The following NCKAP5 variants were observed in gnomAD, a reference collection of about 807,000 sequenced individuals.
NCKAP5 encodes the protein nck-associated protein 5.
NCKAP5 carries 92 observed loss-of-function variants against 167.0 expected under a neutral mutation model. The observed-to-expected ratio is 0.55, with a 90% CI of 0.47 to 0.66. The LOEUF (loss-of-function observed/expected upper bound fraction) is 0.66, where lower values mean the gene tolerates loss of function less well. NCKAP5 is among the 30% of genes least tolerant of loss of function. The pLI, the probability that NCKAP5 is intolerant of heterozygous loss-of-function variation, is 0.00. For missense variants in NCKAP5, 2,378 were observed against 2,315.0 expected (o/e 1.03, Z -0.56); for synonymous variants, 891 against 877.4 (o/e 1.02, Z -0.27).
At chr2:133,270,962 C>T (rs952581380) in intron 4 of NCKAP5, among the ~76,000 whole-genome samples, 1 of 149,414 alleles carries the variant, frequency 6.7e-6, no homozygotes, top group Non-Finnish European at 1.5e-5. Context: ...CTCTGTCGCC[C>T]AGGCTGGAGT....
At chr2:133,204,681 T>C (rs1442805237) in intron 5 of NCKAP5, among the ~76,000 whole-genome samples, 1 of 152,178 alleles carries the variant, frequency 6.6e-6, no homozygotes. Context: ...ACAGGCTGTG[T>C]TTTGGCTTCA....
chr2:133,297,611 CT>C (rs1398565538), intron 4 of NCKAP5, among the ~76,000 whole-genome samples: 1 of 152,148 alleles, frequency 6.6e-6, no homozygotes, highest in Non-Finnish European at 1.5e-5. Flanking sequence ...GGAAAGGAAA[CT>C]TTTTAATCTT....
At chr2:133,414,446 A>G (rs1038013646) in intron 3 of NCKAP5, among the ~76,000 whole-genome samples, 1 of 152,180 alleles carries the variant, frequency 6.6e-6, no homozygotes, top group East Asian at 1.9e-4. Context: ...TGTTCCCATT[A>G]TCACTAAGCA....
chr2:132,997,615 T>C (rs2077642445), intron 6 of NCKAP5, among the ~76,000 whole-genome samples: 1 of 152,120 alleles, frequency 6.6e-6, no homozygotes, highest in African/African-American at 2.4e-5. Context: ...AAATCATTTT[T>C]ACTGACTCTA....
chr2:133,094,719 G>A (rs955910494), intron 6 of NCKAP5, among the ~76,000 whole-genome samples: 2 of 152,150 alleles, frequency 1.3e-5, no homozygotes, highest in African/African-American at 2.4e-5. Flanking sequence ...TTGACTTTGA[G>A]TTAATCAAAA....
chr2:132,870,905 C>T (rs987746417), intron 9 of NCKAP5, among the ~76,000 whole-genome samples: 1 of 151,730 alleles, frequency 6.6e-6, no homozygotes, highest in African/African-American at 2.4e-5. Flanking sequence ...CAGTAAAAGA[C>T]TAAAATCAGA....
intron 2 of NCKAP5, among the ~76,000 whole-genome samples, chr2:133,524,674 G>C (rs1192955812): frequency 6.6e-6 from 1 of 152,120 alleles, no homozygotes; most frequent in Non-Finnish European, 1.5e-5. Context: ...CTACCAAATA[G>C]AATGTTTGAA....
intron 11 of NCKAP5, among the ~76,000 whole-genome samples, chr2:132,797,470 G>A (rs943257234): frequency 6.6e-6 from 1 of 152,070 alleles, no homozygotes; most frequent in Non-Finnish European, 1.5e-5. Flanking sequence ...AATAAAAGTC[G>A]TGATTTATGC....
At chr2:132,873,524 G>A (rs1324087091) in intron 9 of NCKAP5, among the ~76,000 whole-genome samples, 1 of 152,204 alleles carries the variant, frequency 6.6e-6, no homozygotes, top group Non-Finnish European at 1.5e-5. Flanking sequence ...ATAAATGTAA[G>A]TCACTAAGCA....
chr2:133,468,310 G>A (rs1416691850), intron 3 of NCKAP5, among the ~76,000 whole-genome samples: 24 of 144,986 alleles, frequency 1.7e-4, no homozygotes, highest in East Asian at 2.2e-4. Flanking sequence ...TTTCTATGTA[G>A]TTGAGCGGTT....
At chr2:133,470,983 A>C (rs1679234678) in intron 3 of NCKAP5, among the ~76,000 whole-genome samples, 1 of 152,118 alleles carries the variant, frequency 6.6e-6, no homozygotes, top group Non-Finnish European at 1.5e-5. Context: ...TGCATCGCTC[A>C]CGCTGGGAGC....
chr2:133,082,300 C>T (rs2080836603), intron 6 of NCKAP5, among the ~76,000 whole-genome samples: 1 of 152,132 alleles, frequency 6.6e-6, no homozygotes, highest in South Asian at 2.1e-4. Context: ...AGGTTAAAGA[C>T]TGCATCATCG....
chr2:133,020,495 T>C (rs1400841764), intron 6 of NCKAP5, among the ~76,000 whole-genome samples: 2 of 152,184 alleles, frequency 1.3e-5, no homozygotes, highest in Non-Finnish European at 2.9e-5. Context: ...CATGAATGCA[T>C]GAAGACAAGG....
chr2:133,341,203 G>A (rs1426138685), intron 3 of NCKAP5, among the ~76,000 whole-genome samples: 1 of 151,486 alleles, frequency 6.6e-6, no homozygotes, highest in Admixed American at 6.6e-5. Flanking sequence ...CTATAAATAT[G>A]TCAGAATATA....
rs150404579 is a variant in NCKAP5 at position 133,225,113 on chromosome 2, C to T, written c.144-11334G>A. 8.1e-3 allele frequency among the ~76,000 whole-genome samples: 1,230 copies of T among 152,126 alleles called. 10 individuals carry two copies. The highest frequency in any genetic ancestry group is 0.028 in the African/African-American group (1,156 of 41,504). On this transcript the variant is annotated intron_variant, in intron 4 of 19. Transcript: ENST00000409261. The stretch of plus-strand genomic sequence containing the variant: ...AAATCTAGGTTTGTGTTATGTCTGA[C>T]AATTAAGACAAACTTTTAAAAACAA...
At chr2:133,483,121 T>A (rs140739674) in intron 3 of NCKAP5, among the ~76,000 whole-genome samples, 1 of 152,330 alleles carries the variant, frequency 6.6e-6, no homozygotes, top group Non-Finnish European at 1.5e-5. Context: ...ATCTATCATC[T>A]GTTTTTCTAT....
At chr2:133,397,848 A>T (rs1450892152) in intron 3 of NCKAP5, among the ~76,000 whole-genome samples, 1 of 152,168 alleles carries the variant, frequency 6.6e-6, no homozygotes, top group Non-Finnish European at 1.5e-5. Flanking sequence ...GATAAATCTG[A>T]TATGTAATTC....
chr2:133,172,660 G>A (rs1192128854), intron 5 of NCKAP5, among the ~76,000 whole-genome samples: 1 of 151,388 alleles, frequency 6.6e-6, no homozygotes, highest in East Asian at 1.9e-4. Flanking sequence ...TGTTGTTGTT[G>A]TTTTTGAGAT....
At chr2:132,716,944 GTTTT>G (rs1344557858) in intron 19 of NCKAP5, among the ~76,000 whole-genome samples, 3 of 152,268 alleles carry the variant, frequency 2.0e-5, no homozygotes, top group Middle Eastern at 3.4e-3. Flanking sequence ...AGCTGGCTGG[GTTTT>G]TTGTTTGTTT....
Sources: gnomAD v4.1 joint callset for allele counts (sites outside exome capture counted in the v4.1 genomes callset) on GRCh38, gnomAD v4.1.1 for gene constraint, MANE v1.5 for transcripts, NCBI Gene and HGNC (gene_info 2026-07-23, HGNC 2026-07-21) for gene names.